The following CSMD3 variants were observed in gnomAD, a reference collection of about 807,000 sequenced individuals.
CSMD3 encodes the protein CUB and sushi domain-containing protein 3.
A neutral mutation model predicts 435.2 loss-of-function variants in CSMD3; 177 were observed. The observed-to-expected ratio is 0.41, with a 90% confidence interval of 0.36 to 0.46. CSMD3 has a LOEUF of 0.46. Ranked by LOEUF, CSMD3 falls within the 20% of genes least tolerant of loss-of-function variation. The pLI, the probability that CSMD3 is intolerant of heterozygous loss-of-function variation, is 0.34. For synonymous variants in CSMD3, 1,656 were observed against 1,520.5 expected, an observed-to-expected ratio of 1.09 and a Z score of -2.07; for missense variants, 4,265 against 4,504.6, an observed-to-expected ratio of 0.95 and a Z score of 1.52.
chr8:112,972,346 A>T (rs2130915505), intron 7 of CSMD3, among the ~76,000 whole-genome samples: 1 of 152,046 alleles, frequency 6.6e-6, no homozygotes, highest in East Asian at 1.9e-4. Context: ...TATGTTTTAC[A>T]CTGTAATTAA....
chr8:112,758,302 G>T (rs2077751645), intron 13 of CSMD3, among the ~76,000 whole-genome samples: 1 of 151,460 alleles, frequency 6.6e-6, no homozygotes, highest in African/African-American at 2.4e-5. Context: ...CAGTGAGCAG[G>T]GATCGCGCCA....
At chr8:112,249,411 G>A (rs1815060840) in intron 63 of CSMD3, among the ~76,000 whole-genome samples, 1 of 152,016 alleles carries the variant, frequency 6.6e-6, no homozygotes, top group African/African-American at 2.4e-5. Flanking sequence ...TGGATCTGGG[G>A]TAGGTCCATG....
At chr8:113,160,149 C>A (rs574954804) in intron 4 of CSMD3, among the ~76,000 whole-genome samples, 12 of 151,910 alleles carry the variant, frequency 7.9e-5, no homozygotes, top group African/African-American at 2.9e-4. Flanking sequence ...GTTATGGAAT[C>A]AAATGTTTTT....
intron 5 of CSMD3, among the ~76,000 whole-genome samples, chr8:113,060,546 A>C (rs1587988995): frequency 6.6e-6 from 1 of 152,276 alleles, no homozygotes; most frequent in East Asian, 1.9e-4. Flanking sequence ...ACAAAACACA[A>C]TTAACTATAG....
At chr8:113,214,907 T>G (rs2092883813) in intron 3 of CSMD3, among the ~76,000 whole-genome samples, 2 of 151,890 alleles carry the variant, frequency 1.3e-5, no homozygotes, top group South Asian at 4.1e-4. Context: ...CCCATAGCTT[T>G]GAAATATTAT....
intron 45 of CSMD3, among the ~76,000 whole-genome samples, chr8:112,326,044 T>C (rs776245835): frequency 3.3e-5 from 5 of 152,180 alleles, no homozygotes; most frequent in Non-Finnish European, 7.3e-5. Context: ...ATAAATAACA[T>C]AAATATTAAT....
chr8:112,259,146 A>C (rs564517568), intron 61 of CSMD3, among the ~76,000 whole-genome samples: 5 of 152,330 alleles, frequency 3.3e-5, no homozygotes, highest in African/African-American at 7.2e-5. Context: ...AGGCAGACGG[A>C]TGTGAATAGC....
intron 30 of CSMD3, 138 bp from the exon 31 acceptor site, chr8:112,492,821 TAC>T: frequency 1.4e-6 from 1 of 733,012 alleles, no homozygotes; most frequent in Non-Finnish European, 2.4e-6. Flanking sequence ...ACTGAATATA[TAC>T]AGACTTTTTT....
At chr8:112,948,061 T>G (rs2083678101) in intron 8 of CSMD3, among the ~76,000 whole-genome samples, 184 bp from the exon 9 acceptor site, 1 of 151,956 alleles carries the variant, frequency 6.6e-6, no homozygotes, top group Non-Finnish European at 1.5e-5. Flanking sequence ...TTTTATGAAC[T>G]AATGAGAAAA....
At chr8:112,823,892 CACTGATA>C (rs764657212) in intron 12 of CSMD3, among the ~76,000 whole-genome samples, 4 of 152,082 alleles carry the variant, frequency 2.6e-5, no homozygotes, top group African/African-American at 4.8e-5. Context: ...TTTTCTCTCT[CACTGATA>C]TATCTAATAT....
chr8:112,821,295 C>G (rs554362247), intron 12 of CSMD3, among the ~76,000 whole-genome samples: 57 of 152,214 alleles, frequency 3.7e-4, no homozygotes, highest in African/African-American at 1.3e-3. Context: ...CCTATTTCTC[C>G]AAGCTTCCCA....
At chr8:112,402,199 A>C (rs530780841) in intron 35 of CSMD3, among the ~76,000 whole-genome samples, 54 of 152,268 alleles carry the variant, frequency 3.5e-4, no homozygotes, top group African/African-American at 1.2e-3. Context: ...AGATTATGTA[A>C]ATTTTCCAGG....
chr8:112,825,516 T>G (rs2079651551), intron 12 of CSMD3, among the ~76,000 whole-genome samples: 1 of 152,124 alleles, frequency 6.6e-6, no homozygotes, highest in Admixed American at 6.6e-5. Context: ...TGGGGACTTT[T>G]TTGTTGTTGT....
rs116974674 is a variant in CSMD3, at chr8:113,134,356, A to C, written c.710-35393T>G. Among the ~76,000 whole-genome samples the C allele has an allele frequency of 3.3e-4, 50 of 152,156 alleles. 2 individuals are homozygous for C. In the East Asian group the frequency reaches 9.7e-3, roughly 30 times the overall value. Reference sequence around the variant, plus strand: ...GGCTATGTACCTTATTTAGTGCTCTATGATGACCCAATGTTCTATATGTAT... The same window carrying C: ...GGCTATGTACCTTATTTAGTGCTCTCTGATGACCCAATGTTCTATATGTAT... On this transcript the variant is annotated intron_variant, in intron 4 of 70. Transcript: ENST00000297405.
At chr8:112,609,201 CAAAAAAAA>C (rs71566035) in intron 22 of CSMD3, among the ~76,000 whole-genome samples, 17 of 43,106 alleles carry the variant, frequency 3.9e-4, no homozygotes, top group East Asian at 1.3e-3. Context: ...GATACTGCCT[CAAAAAAAA>C]AAAAAAAAAA....
At chr8:112,689,309 C>A (rs1174203817) in intron 14 of CSMD3, among the ~76,000 whole-genome samples, 1 of 151,970 alleles carries the variant, frequency 6.6e-6, no homozygotes, top group African/African-American at 2.4e-5. Flanking sequence ...TATACTTTTG[C>A]TGTAGTTAAA....
chr8:113,372,004 G>A (rs78479218), intron 1 of CSMD3, among the ~76,000 whole-genome samples: 260 of 152,272 alleles, frequency 1.7e-3, no homozygotes, highest in South Asian at 9.7e-3. Flanking sequence ...GAAAATGCTA[G>A]TGATAGCCTA....
At chr8:112,540,401 T>A (rs746673714) in intron 27 of CSMD3, among the ~76,000 whole-genome samples, 13 of 152,074 alleles carry the variant, frequency 8.5e-5, no homozygotes, top group Non-Finnish European at 1.8e-4. Flanking sequence ...AAAATACAAC[T>A]ACCATATGAT....
chr8:112,959,667 T>C (rs1313355088), intron 7 of CSMD3, among the ~76,000 whole-genome samples: 1 of 151,854 alleles, frequency 6.6e-6, no homozygotes, highest in Non-Finnish European at 1.5e-5. Flanking sequence ...AATCTTATCT[T>C]TTACTTTATA....
Sources: gnomAD v4.1 joint callset for allele counts (sites outside exome capture counted in the v4.1 genomes callset) on GRCh38, gnomAD v4.1.1 for gene constraint, MANE v1.5 for transcripts, NCBI Gene and HGNC (gene_info 2026-07-23, HGNC 2026-07-21) for gene names.